Variants in GCN1 observed in about 807,000 individuals in gnomAD.
GCN1 encodes the protein stalled ribosome sensor GCN1.
In GCN1, 90 loss-of-function variants were observed where a neutral mutation model predicts 288.4. That is an observed-to-expected ratio of 0.31 (90% CI 0.26 to 0.37). The LOEUF (loss-of-function observed/expected upper bound fraction) is 0.37, where lower values mean the gene tolerates loss of function less well. GCN1 is among the 10% of genes least tolerant of loss of function. GCN1 has a pLI of 1.00. For synonymous variants in GCN1, 1,386 were observed against 1,420.2 expected, an observed-to-expected ratio of 0.98 and a Z score of 0.54; for missense variants, 2,586 against 3,419.9, an observed-to-expected ratio of 0.76 and a Z score of 6.08.
Position 120,137,181 on chromosome 12 carries a change from C to G in GCN1, c.6777+25G>C. 2.0e-6 allele frequency: 3 copies of G among 1,530,012 alleles called. No homozygotes were observed. Among genetic ancestry groups the G allele is most frequent in the Non-Finnish European group, 2.7e-6 (3 of 1,104,052 alleles). 94.8% of individuals were successfully genotyped at this position (1,530,012 alleles called of 1,614,324 possible). ...GGCACAACAGACTGCACGCCCACAGCCCCCTGCACGAGGCCCTGGCTTACC... is the reference window on the plus strand; with the variant it reads ...GGCACAACAGACTGCACGCCCACAGGCCCCTGCACGAGGCCCTGGCTTACC... On this transcript the variant is annotated intron_variant, in intron 50 of 57. Coordinates refer to ENST00000300648, the MANE Select transcript of GCN1 (RefSeq NM_006836.2). The surrounding 1 kb of genome is among the most constrained non-coding windows in gnomAD (Gnocchi z 5.2).
chr12:120,183,081 G>A (rs939547239), intron 5 of GCN1, among the ~76,000 whole-genome samples: 1 of 152,150 alleles, frequency 6.6e-6, no homozygotes, highest in South Asian at 2.1e-4. Flanking sequence ...AAGAGAATAT[G>A]GAAGGAGCAG....
At chr12:120,162,132 C>A in intron 20 of GCN1, 74 bp from the exon 21 acceptor site, 1 of 1,237,516 alleles carries the variant, frequency 8.1e-7, no homozygotes, top group Non-Finnish European at 1.1e-6. Flanking sequence ...CACCTGAATG[C>A]CCCTAGCACT....
chr12:120,130,597 C>A, intron 56 of GCN1, 49 bp downstream of exon 56: 2 of 1,272,964 alleles, frequency 1.6e-6, no homozygotes, highest in Non-Finnish European at 2.3e-6. Context: ...CTAGGACCTC[C>A]TCACAAGCCA....
chr12:120,151,578 G>C (rs745845008), intron 33 of GCN1, among the ~76,000 whole-genome samples, 187 bp from the exon 34 acceptor site: 2 of 152,206 alleles, frequency 1.3e-5, no homozygotes, highest in East Asian at 3.8e-4. Flanking sequence ...ACCTCTGAGG[G>C]TGCACACTAC....
At chr12:120,150,312 C>G (rs963846030) in intron 34 of GCN1, among the ~76,000 whole-genome samples, 4 of 152,156 alleles carry the variant, frequency 2.6e-5, no homozygotes, top group African/African-American at 9.7e-5. Flanking sequence ...AAAGCCAAAC[C>G]TTGGCCGGGC....
chr12:120,165,877 C>T (rs535775427), intron 16 of GCN1, among the ~76,000 whole-genome samples: 2 of 151,998 alleles, frequency 1.3e-5, no homozygotes, highest in South Asian at 4.2e-4. Context: ...CTGCAACCTC[C>T]GCCTCTTGGG....
At chr12:120,147,722 G>T (rs1877407450) in intron 37 of GCN1, among the ~76,000 whole-genome samples, 1 of 152,192 alleles carries the variant, frequency 6.6e-6, no homozygotes, top group African/African-American at 2.4e-5. Context: ...GGCAGCTGAA[G>T]CTTAGAATTT....
intron 16 of GCN1, among the ~76,000 whole-genome samples, chr12:120,167,585 C>G (rs186011777): frequency 6.6e-6 from 1 of 152,224 alleles, no homozygotes; most frequent in African/African-American, 2.4e-5. Context: ...GAGATCAAAG[C>G]AGGGGTATAA....
chr12:120,138,122 A>G, intron 47 of GCN1, 78 bp from the exon 48 acceptor site: 2 of 1,329,698 alleles, frequency 1.5e-6, no homozygotes, highest in South Asian at 1.3e-5. Flanking sequence ...ACGGGTGGGC[A>G]AGAGAGCCCA....
At chr12:120,141,699 T>C (rs897073373) in intron 44 of GCN1, among the ~76,000 whole-genome samples, 1 of 152,196 alleles carries the variant, frequency 6.6e-6, no homozygotes, top group Non-Finnish European at 1.5e-5. Flanking sequence ...ATCTGAAACA[T>C]TATTTATTCC....
intron 36 of GCN1, 43 bp downstream of exon 36, chr12:120,149,563 C>G (rs779579258): frequency 4.9e-6 from 7 of 1,421,392 alleles, no homozygotes; most frequent in Non-Finnish European, 6.0e-6. Context: ...GGCTGGTTTT[C>G]ATAACAGGAA....
intron 7 of GCN1, among the ~76,000 whole-genome samples, chr12:120,178,095 C>T (rs962837389): frequency 6.6e-6 from 1 of 152,184 alleles, no homozygotes; most frequent in Non-Finnish European, 1.5e-5. Context: ...AATGCTCTGC[C>T]TCACCTCTTG....
chr12:120,132,400 G>A lies in GCN1; in HGVS notation c.7318-378C>T, dbSNP rs117302317. Among the ~76,000 whole-genome samples, 58 of 152,172 alleles carry A rather than the reference G, an allele frequency of 3.8e-4. No homozygotes were observed. In the East Asian group the frequency reaches 8.5e-3, roughly 22 times the overall value. Reference sequence around the variant, plus strand: ...ACAGCCCTGTGAGGCAGGGAGGGGCGGGAGGGGCAGGAGGGGAGGCACCTG... The same window carrying A: ...ACAGCCCTGTGAGGCAGGGAGGGGCAGGAGGGGCAGGAGGGGAGGCACCTG... On this transcript the variant is annotated intron_variant, in intron 53 of 57. Transcript: ENST00000300648.
Position 120,153,943 on chromosome 12 carries a change from A to C in GCN1, c.3702-34T>G. 4.4e-6 allele frequency: 7 copies of C among 1,588,924 alleles called. No individual in the cohort carries two copies. The highest frequency in any genetic ancestry group is 6.0e-6 in the Non-Finnish European group (7 of 1,161,730). On this transcript the variant is annotated intron_variant, in intron 31 of 57. Coordinates refer to ENST00000300648, the MANE Select transcript of GCN1 (RefSeq NM_006836.2). This position sits in a 1 kb window ranked among gnomAD's most constrained non-coding sequence, Gnocchi z 4.4. ...GAAGTGGGAGCACATCAGGAGGGGC[A>C]GTCAGGGGGCCTCCTCTGCCAGTGG...
rs778711777 is a variant in GCN1, at chr12:120,129,400, G to T, written c.7766C>A (p.Ala2589Asp). The T allele has an allele frequency of 1.5e-5, 25 of 1,613,562 alleles. No homozygotes were observed. Among genetic ancestry groups the T allele is most frequent in the African/African-American group, 2.7e-5 (2 of 74,904 alleles). Residue 2589 changes from alanine to aspartate, a missense_variant, in exon 57 of 58, where the codon GCC (alanine) becomes GAC (aspartate). By Grantham distance (126) the Ala-to-Asp change is moderately radical. Coordinates refer to ENST00000300648, the MANE Select transcript of GCN1 (RefSeq NM_006836.2). ...AAGAGCCTTCAGGATGGGCTTGATG[G>T]CCTGGGGGTCCAGGGGAGGCAGTGG... is the stretch of plus-strand genomic sequence containing the variant. ...KDPLPPLDPQ[A>D]IKPILKALLD...
At position 120,144,265 on chromosome 12, in the gene GCN1, C is replaced by G. The variant is rs773718295; in HGVS notation, c.5495+41G>C. ...TGCTCGGATTATAGGCATGAGCCAC[C>G]ACGCATCATCCCCACTGGGTCTTTC... On this transcript the variant is annotated intron_variant, in intron 42 of 57. Coordinates refer to ENST00000300648, the MANE Select transcript of GCN1 (RefSeq NM_006836.2). The surrounding 1 kb of genome is among the most constrained non-coding windows in gnomAD (Gnocchi z 4.7). The G allele has an allele frequency of 6.2e-7, 1 of 1,610,060 alleles. No individual in the cohort carries two copies. The highest frequency in any genetic ancestry group is 8.5e-7 in the Non-Finnish European group (1 of 1,176,342).
intron 15 of GCN1, among the ~76,000 whole-genome samples, chr12:120,169,676 GTACTTT>G (rs908774884): frequency 6.6e-6 from 1 of 152,008 alleles, no homozygotes; most frequent in African/African-American, 2.4e-5. Flanking sequence ...GCTAATTTTT[GTACTTT>G]TAGTAAAGAC....
chr12:120,176,954 C>T (rs1440714316), intron 9 of GCN1, among the ~76,000 whole-genome samples: 2 of 152,132 alleles, frequency 1.3e-5, no homozygotes, highest in African/African-American at 4.8e-5. Flanking sequence ...TTATTAGAGA[C>T]AGGGTTTAAC....
chr12:120,175,330 G>C (rs1283573111), intron 11 of GCN1, 118 bp from the exon 12 acceptor site: 8 of 958,444 alleles, frequency 8.3e-6, no homozygotes, highest in Non-Finnish European at 1.3e-5. Context: ...AGTAGCCTTT[G>C]TGTTGTGAAG....
Sources: allele counts gnomAD v4.1 joint callset (sites outside exome capture counted in the v4.1 genomes callset), GRCh38; gene constraint gnomAD v4.1.1; non-coding constraint Gnocchi (gnomAD v3.1); transcripts MANE v1.5; gene names NCBI Gene and HGNC (gene_info 2026-07-23, HGNC 2026-07-21).